Variants in IRAG1 observed in about 807,000 individuals in gnomAD.
IRAG1 encodes the protein IP3R-associated cGMP kinase substrate.
A neutral mutation model predicts 106.2 loss-of-function variants in IRAG1; 62 were observed. The ratio of observed to expected loss-of-function variants is 0.58; its 90% confidence interval spans 0.48 to 0.72. The LOEUF is 0.72. Ranked by LOEUF, IRAG1 falls within the 30% of genes least tolerant of loss-of-function variation. The pLI is 0.00. For missense variants in IRAG1, 1,064 were observed against 1,140.7 expected (o/e 0.93, Z 0.97); for synonymous variants, 462 against 443.9 (o/e 1.04, Z -0.51).
chr11:10,625,001 G>A (rs1856126850), intron 9 of IRAG1, among the ~76,000 whole-genome samples: 1 of 152,184 alleles, frequency 6.6e-6, no homozygotes, highest in Non-Finnish European at 1.5e-5. Flanking sequence ...TTTCTGACTA[G>A]GAGGAGTTTT....
chr11:10,653,738 T>C lies in IRAG1; in HGVS notation c.68-1556A>G, dbSNP rs572394746. Among the ~76,000 whole-genome samples the C allele has an allele frequency of 1.1e-4, 16 of 152,300 alleles. 1 individual carries two copies. The South Asian group carries it at 3.3e-3, about 32-fold the overall frequency. The stretch of plus-strand genomic sequence containing the variant: ...ATGAAACACACTCAGTTCACAGTAG[T>C]TCCCACAGAGGCCACCTGCACGGGG... On this transcript the variant is annotated intron_variant, in intron 1 of 20. Coordinates refer to ENST00000423302, the MANE Select transcript of IRAG1 (RefSeq NM_130385.4).
chr11:10,636,999 G>A (rs763666581), intron 2 of IRAG1, among the ~76,000 whole-genome samples: 12 of 152,220 alleles, frequency 7.9e-5, no homozygotes, highest in Non-Finnish European at 1.3e-4. Flanking sequence ...GCCAGCTTCT[G>A]AAGGACCTCG....
chr11:10,667,603 G>A (rs1001269007), intron 1 of IRAG1, among the ~76,000 whole-genome samples: 17 of 152,100 alleles, frequency 1.1e-4, no homozygotes, highest in African/African-American at 3.4e-4. Flanking sequence ...CCAGAAAATC[G>A]ACTCCTGGGG....
At chr11:10,629,786 C>T in intron 4 of IRAG1, 75 bp from the exon 5 acceptor site, 1 of 1,482,848 alleles carries the variant, frequency 6.7e-7, no homozygotes, top group African/African-American at 1.4e-5. Context: ...CATACCATGC[C>T]TCATCCCAGG....
chr11:10,593,480 C>T lies in IRAG1; in HGVS notation c.2175+12G>A, dbSNP rs367732362. On this transcript the variant is annotated intron_variant, in intron 17 of 20. Coordinates refer to ENST00000423302, the MANE Select transcript of IRAG1 (RefSeq NM_130385.4). ...CTATTCTGTGCTGGGAGGCAGACAT[C>T]GTCATACTTACCAAGGCTGGTAAGG... 6.2e-6 allele frequency: 10 copies of T among 1,606,196 alleles called. No individual in the cohort carries two copies. In the Admixed American group the frequency reaches 8.3e-5, roughly 13 times the overall value.
At chr11:10,633,366 C>CAT (rs1564919749) in intron 3 of IRAG1, among the ~76,000 whole-genome samples, 15 of 152,156 alleles carry the variant, frequency 9.9e-5, no homozygotes, top group Admixed American at 2.6e-4. Context: ...TGAGCCACTG[C>CAT]GCCCGGCCGA....
At chr11:10,669,724 T>C (rs897677137) in intron 1 of IRAG1, among the ~76,000 whole-genome samples, 1 of 152,162 alleles carries the variant, frequency 6.6e-6, no homozygotes, top group African/African-American at 2.4e-5. Flanking sequence ...TTTCAGAAAG[T>C]AGTTCCCCCC....
chr11:10,589,340 G>C (rs1226358840), intron 18 of IRAG1, among the ~76,000 whole-genome samples: 3 of 152,264 alleles, frequency 2.0e-5, no homozygotes, highest in Non-Finnish European at 2.9e-5. Flanking sequence ...TTTGTGTATA[G>C]GACAGAAGAT....
rs1047650576 is a variant in IRAG1, at chr11:10,574,513, G to A, written c.*1819C>T. ...GGTCAATAATAATAATGTTTAAAAC[G>A]TGCCAGAAAGCACAGAGGAGTGTGT... On this transcript the variant is annotated 3_prime_UTR_variant, in exon 21 of 21. Coordinates refer to ENST00000423302, the MANE Select transcript of IRAG1 (RefSeq NM_130385.4). 6.6e-6 allele frequency: 1 copy of A among 152,138 alleles called. No individual in the cohort carries two copies. The highest frequency in any genetic ancestry group is 2.4e-5 in the African/African-American group (1 of 41,410). 9.4% of individuals were successfully genotyped at this position (152,138 alleles called of 1,614,324 possible). A position where few individuals can be genotyped will look rare whatever the true frequency, so the allele number is the denominator to read the frequency against.
chr11:10,652,237 G>A lies in IRAG1; in HGVS notation c.68-55C>T, dbSNP rs762775493. The A allele has an allele frequency of 3.1e-6, 5 of 1,597,112 alleles. No homozygotes were observed. In the Admixed American group the frequency reaches 5.1e-5, roughly 16 times the overall value. On this transcript the variant is annotated intron_variant, in intron 1 of 20. Coordinates refer to ENST00000423302, the MANE Select transcript of IRAG1 (RefSeq NM_130385.4). ...TCCATTCCCATCCCTGTCCCAAGCTGGGTTCCATTTCCCGGAGCCACAAGC... is the reference window on the plus strand; with the variant it reads ...TCCATTCCCATCCCTGTCCCAAGCTAGGTTCCATTTCCCGGAGCCACAAGC...
chr11:10,680,546 G>GGGAAGGAA (rs1564943002), intron 1 of IRAG1, among the ~76,000 whole-genome samples: 98 of 140,354 alleles, frequency 7.0e-4, no homozygotes, highest in African/African-American at 2.4e-3. Context: ...GAAGGGGAAG[G>GGGAAGGAA]GGAAGGGGAA....
chr11:10,581,908 C>T lies in IRAG1; in HGVS notation c.2319G>A (p.Gln773=). ...CTTCCTCCATCCTGGCCTTGGTCTC[C>T]TGACTAAGCTCCTCCAGGCAGCTCA... is the stretch of plus-strand genomic sequence containing the variant. The part of the protein sequence containing the change: ...LTLSCLEELS[Q]ETKARMEEEA... The change falls in exon 19 of 21, where the codon CAG becomes CAA. Residue 773 remains glutamine, a synonymous_variant. Transcript: ENST00000423302. The T allele has an allele frequency of 6.2e-7, 1 of 1,613,934 alleles. No individual in the cohort carries two copies. Among genetic ancestry groups the T allele is most frequent in the Non-Finnish European group, 8.5e-7 (1 of 1,179,826 alleles).
chr11:10,674,290 C>T (rs1313099505), intron 1 of IRAG1, among the ~76,000 whole-genome samples: 1 of 152,192 alleles, frequency 6.6e-6, no homozygotes, highest in African/African-American at 2.4e-5. Context: ...ACAAATGTCC[C>T]AAAGGTAGAC....
chr11:10,633,350 C>T (rs1399826474), intron 3 of IRAG1, among the ~76,000 whole-genome samples: 1 of 152,200 alleles, frequency 6.6e-6, no homozygotes, highest in East Asian at 1.9e-4. Context: ...GCTAGGATTA[C>T]AGGCATGAGC....
chr11:10,607,104 G>A (rs1168886496), intron 11 of IRAG1, among the ~76,000 whole-genome samples: 1 of 152,168 alleles, frequency 6.6e-6, no homozygotes, highest in African/African-American at 2.4e-5. Flanking sequence ...GTGTTTGTAT[G>A]CATAAATATA....
chr11:10,593,456 T>A, intron 17 of IRAG1, 36 bp downstream of exon 17: 1 of 1,567,972 alleles, frequency 6.4e-7, no homozygotes, highest in Non-Finnish European at 8.8e-7. Context: ...GTTATTCTAC[T>A]ATTCTGTGCT....
intron 1 of IRAG1, among the ~76,000 whole-genome samples, chr11:10,674,560 C>A (rs1203165127): frequency 1.3e-5 from 2 of 152,182 alleles, no homozygotes; most frequent in East Asian, 3.9e-4. Context: ...GCCACACCAG[C>A]ACCACTCCTC....
Position 10,659,378 on chromosome 11 carries a change from C to T in IRAG1, c.68-7196G>A, listed in dbSNP as rs1294320370. 1.3e-5 allele frequency among the ~76,000 whole-genome samples: 2 copies of T among 152,068 alleles called. No individual in the cohort carries two copies. Among genetic ancestry groups the T allele is most frequent in the Non-Finnish European group, 2.9e-5 (2 of 68,012 alleles). On this transcript the variant is annotated intron_variant, in intron 1 of 20. Transcript: ENST00000423302. The surrounding 1 kb of genome is among the most constrained non-coding windows in gnomAD (Gnocchi z 4.1). ...GTGCAGGAGCAGGAATGGTGAAGGGCGGAGATGCAGGGAGAAAGCCTCGGT... is the reference window on the plus strand; with the variant it reads ...GTGCAGGAGCAGGAATGGTGAAGGGTGGAGATGCAGGGAGAAAGCCTCGGT...
chr11:10,629,104 G>T lies in IRAG1; in HGVS notation c.575-276C>A, dbSNP rs1025445437. ...GACCTCAAGGCACTGTCCAGAAACT[G>T]AGGCCTGGCGTTGGTTGGCAGGTAC... is the stretch of plus-strand genomic sequence containing the variant. On this transcript the variant is annotated intron_variant, in intron 5 of 20. Transcript: ENST00000423302. Among the ~76,000 whole-genome samples, 3 of 152,168 alleles carry T rather than the reference G, an allele frequency of 2.0e-5. No homozygotes were observed. In the East Asian group the frequency reaches 5.8e-4, roughly 29 times the overall value.
Sources: allele counts gnomAD v4.1 joint callset (sites outside exome capture counted in the v4.1 genomes callset), GRCh38; gene constraint gnomAD v4.1.1; non-coding constraint Gnocchi (gnomAD v3.1); transcripts MANE v1.5; gene names NCBI Gene and HGNC (gene_info 2026-07-23, HGNC 2026-07-21).